The following CDK20 variants were observed in gnomAD, a reference collection of about 807,000 sequenced individuals.
CDK20 encodes the protein cyclin dependent kinase 20.
In CDK20, 40 loss-of-function variants were observed where a neutral mutation model predicts 38.6. The observed-to-expected ratio is 1.04, with a 90% CI of 0.81 to 1.35. The LOEUF (loss-of-function observed/expected upper bound fraction) is 1.35, where lower values mean the gene tolerates loss of function less well. Among genes scored for constraint, CDK20 ranks in the 40% most tolerant of loss-of-function variants. The pLI, the probability that CDK20 is intolerant of heterozygous loss-of-function variation, is 0.00. For missense variants in CDK20, 512 were observed against 452.6 expected, an observed-to-expected ratio of 1.13 and a Z score of -1.19; for synonymous variants, 209 against 185.7, an observed-to-expected ratio of 1.13 and a Z score of -1.02.
At position 87,969,365 on chromosome 9, in the gene CDK20, G is replaced by A; in HGVS notation, c.688-16C>T. The A allele has an allele frequency of 6.2e-7, 1 of 1,613,268 alleles. No individual in the cohort carries two copies. Among genetic ancestry groups the A allele is most frequent in the Non-Finnish European group, 8.5e-7 (1 of 1,179,670 alleles). The stretch of plus-strand genomic sequence containing the variant: ...CAGTGAGCTCCTGGGCCAGGGAGAA[G>A]GAACAGGGTACAATGAGAGTAGTTC... On this transcript the variant is annotated splice_polypyrimidine_tract_variant and intron_variant, in intron 6 of 7. Transcript: ENST00000325303.
rs551413619 is a variant in CDK20 at position 87,966,906 on chromosome 9, G to A, written c.*556C>T. 161 of 385,836 alleles carry A rather than the reference G, an allele frequency of 4.2e-4. 1 individual carries two copies. The highest frequency in any genetic ancestry group is 1.8e-3 in the South Asian group (92 of 52,200). The allele number at this position is 385,836 out of a possible 1,614,324, so 23.9% of individuals were successfully genotyped here. ...CCATGACCCCAAAAACGAGAGCCAT[G>A]AGACAATGCCACCTTAGCCATTTCC... is the stretch of plus-strand genomic sequence containing the variant. On this transcript the variant is annotated 3_prime_UTR_variant, in exon 8 of 8. Coordinates refer to ENST00000325303, the MANE Select transcript of CDK20 (RefSeq NM_001039803.3).
At chr9:87,970,508 T>C in intron 5 of CDK20, 60 bp downstream of exon 5, 1 of 1,511,736 alleles carries the variant, frequency 6.6e-7, no homozygotes, top group East Asian at 2.3e-5. Context: ...CTCAGAGACC[T>C]CAGAGCCTAG....
At chr9:87,968,997 C>A in intron 7 of CDK20, 197 bp downstream of exon 7, 1 of 606,944 alleles carries the variant, frequency 1.6e-6, no homozygotes, top group Non-Finnish European at 2.9e-6. Flanking sequence ...TGGGGATGTC[C>A]AGTGGGGTCT....
At position 87,966,912 on chromosome 9, in the gene CDK20, A is replaced by G. The variant is rs903863994; in HGVS notation, c.*550T>C. On this transcript the variant is annotated 3_prime_UTR_variant, in exon 8 of 8. Coordinates refer to ENST00000325303, the MANE Select transcript of CDK20 (RefSeq NM_001039803.3). ...CCCCAAAAACGAGAGCCATGAGACA[A>G]TGCCACCTTAGCCATTTCCCTTGAG... 10 of 389,514 alleles carry G rather than the reference A, an allele frequency of 2.6e-5. No individual in the cohort carries two copies. The highest frequency in any genetic ancestry group is 1.2e-4 in the African/African-American group (6 of 48,036). 24.1% of individuals were successfully genotyped at this position (389,514 alleles called of 1,614,324 possible). A position where few individuals can be genotyped will look rare whatever the true frequency, so the allele number is the denominator to read the frequency against.
In CDK20 at chr9:87,970,991, G is replaced by A. The variant is rs968263401; in HGVS notation, c.379-94C>T. On this transcript the variant is annotated intron_variant, in intron 3 of 7. Coordinates refer to ENST00000325303, the MANE Select transcript of CDK20 (RefSeq NM_001039803.3). ...CAGTCTAACCACTCAGGTCAGCCCC[G>A]GTCCCCACCTCCTCCAGGGCCATGC... 1.0e-5 allele frequency: 16 copies of A among 1,554,566 alleles called. No individual in the cohort carries two copies. In the African/African-American group the frequency reaches 1.4e-4, roughly 13 times the overall value.
intron 1 of CDK20, 138 bp from the exon 2 acceptor site, chr9:87,974,173 G>C: frequency 1.4e-6 from 2 of 1,449,612 alleles, no homozygotes. Context: ...TCTAGGACTA[G>C]CCTGGGACCC....
intron 7 of CDK20, 38 bp from the exon 8 acceptor site, chr9:87,967,697 G>T: frequency 6.9e-7 from 1 of 1,442,184 alleles, no homozygotes; most frequent in Non-Finnish European, 9.2e-7. Context: ...AAGGAAACTA[G>T]TCACCTCCCT....
intron 3 of CDK20, 102 bp downstream of exon 3, chr9:87,971,045 A>G: frequency 6.7e-7 from 1 of 1,501,352 alleles, no homozygotes; most frequent in South Asian, 1.3e-5. Context: ...GGCCTTGACC[A>G]GCTCTGTCCC....
intron 2 of CDK20, 64 bp downstream of exon 2, chr9:87,973,858 G>A: frequency 6.6e-7 from 1 of 1,523,386 alleles, no homozygotes; most frequent in Non-Finnish European, 9.0e-7. Context: ...GGAAAATGAA[G>A]GCACAAAGAA....
intron 2 of CDK20, 129 bp downstream of exon 2, chr9:87,973,793 G>T: frequency 1.1e-6 from 1 of 920,070 alleles, no homozygotes; most frequent in African/African-American, 1.6e-5. Context: ...TGAATGAGCA[G>T]TGTGTGTGAG....
rs1830065079 is a variant in CDK20 at position 87,974,155 on chromosome 9, C to T, written c.76-120G>A. Reference sequence around the variant, plus strand: ...GCCCCCGGCTCGGCCAGAGGCCCTCCTCGGGGGTCTAGGACTAGCCTGGGA... The same window carrying T: ...GCCCCCGGCTCGGCCAGAGGCCCTCTTCGGGGGTCTAGGACTAGCCTGGGA... On this transcript the variant is annotated intron_variant, in intron 1 of 7. Coordinates refer to ENST00000325303, the MANE Select transcript of CDK20 (RefSeq NM_001039803.3). The T allele has an allele frequency of 5.9e-6, 9 of 1,530,568 alleles. No homozygotes were observed. In the Admixed American group the frequency reaches 7.2e-5, roughly 12 times the overall value. The allele number at this position is 1,530,568 out of a possible 1,614,324, so 94.8% of individuals were successfully genotyped here.
rs200638719 is a variant in CDK20, at chr9:87,973,907, C to G, written c.189+15G>C. On this transcript the variant is annotated intron_variant, in intron 2 of 7. Transcript: ENST00000325303. ...ACTGAGGGTGAGAATACCATGCCCC[C>G]CCTCCCCTACTCACATACTGATTGT... 1.2e-6 allele frequency: 2 copies of G among 1,610,990 alleles called. No individual in the cohort carries two copies. The highest frequency in any genetic ancestry group is 1.1e-5 in the South Asian group (1 of 90,938).
At chr9:87,973,051 A>G (rs1386031390) in intron 2 of CDK20, among the ~76,000 whole-genome samples, 1 of 152,366 alleles carries the variant, frequency 6.6e-6, no homozygotes, top group East Asian at 1.9e-4. Flanking sequence ...ACATTCACAT[A>G]TATAATATTT....
At chr9:87,970,075 C>G (rs946472952) in intron 5 of CDK20, 156 bp from the exon 6 acceptor site, 2 of 799,406 alleles carry the variant, frequency 2.5e-6, no homozygotes, top group Non-Finnish European at 3.7e-6. Flanking sequence ...CCTCAAAGCC[C>G]TCAACCCTAG....
At chr9:87,969,545 G>C in intron 6 of CDK20, 196 bp from the exon 7 acceptor site, 2 of 771,614 alleles carry the variant, frequency 2.6e-6, no homozygotes, top group African/African-American at 1.7e-5. Context: ...CTCAGATGAC[G>C]ACTCTGTGCA....
Position 87,973,981 on chromosome 9 carries a change from A to G in CDK20, c.130T>C (p.Phe44Leu). Residue 44 changes from phenylalanine to leucine, a missense_variant, in exon 2 of 8, where the codon TTC becomes CTC. Transcript: ENST00000325303. ...ATCTCCCGCAGGGCCTGGTTAGGGAAGCCGTCCTCCAACCGCCTTAGGGCC... is the reference window on the plus strand; with the variant it reads ...ATCTCCCGCAGGGCCTGGTTAGGGAGGCCGTCCTCCAACCGCCTTAGGGCC... ...KVALRRLEDGFPNQALREIKA... is the reference protein window; with the variant it reads ...KVALRRLEDGLPNQALREIKA... 1.2e-6 allele frequency: 2 copies of G among 1,614,194 alleles called. No individual in the cohort carries two copies. The highest frequency in any genetic ancestry group is 2.2e-5 in the South Asian group (2 of 91,086).
In CDK20 at chr9:87,973,962, C is replaced by T; in HGVS notation, c.149G>A (p.Arg50Gln). 1 of 1,614,128 alleles carries T rather than the reference C, an allele frequency of 6.2e-7. No homozygotes were observed. The highest frequency in any genetic ancestry group is 8.5e-7 in the Non-Finnish European group (1 of 1,179,988). ...LEDGFPNQAL[R>Q]EIKALQEMED... ...CATCTCCTGCAGAGCCTTAATCTCC[C>T]GCAGGGCCTGGTTAGGGAAGCCGTC... The change falls in exon 2 of 8, where the codon CGG (arginine) becomes CAG (glutamine). Residue 50 changes from arginine (R) to glutamine (Q), a missense_variant. Physicochemically the swap from Arg to Gln is conservative, Grantham distance 43. Transcript: ENST00000325303.
rs761646509 is a variant in CDK20 at position 87,967,119 on chromosome 9, C to T, written c.*343G>A. ...ACTTCTCCTTGACCAGGAGGCAGCA[C>T]TCGGGGAAGCAGCACCAAGGCAGGC... On this transcript the variant is annotated 3_prime_UTR_variant, in exon 8 of 8. Coordinates refer to ENST00000325303, the MANE Select transcript of CDK20 (RefSeq NM_001039803.3). 1.7e-5 allele frequency: 10 copies of T among 577,466 alleles called. No individual in the cohort carries two copies. The highest frequency in any genetic ancestry group is 3.4e-5 in the Non-Finnish European group (10 of 298,472). 35.8% of individuals were successfully genotyped at this position (577,466 alleles called of 1,614,324 possible).
chr9:87,969,552 T>C, intron 6 of CDK20: 1 of 767,682 alleles, frequency 1.3e-6, no homozygotes, highest in Non-Finnish European at 2.1e-6. Context: ...GACGACTCTG[T>C]GCACAGCTTG....
Sources: gnomAD v4.1 joint callset for allele counts (sites outside exome capture counted in the v4.1 genomes callset) on GRCh38, gnomAD v4.1.1 for gene constraint, MANE v1.5 for transcripts, NCBI Gene and HGNC (gene_info 2026-07-23, HGNC 2026-07-21) for gene names.